Variants in SYT16 observed in about 807,000 individuals in gnomAD.
SYT16 encodes synaptotagmin-16.
A neutral mutation model predicts 61.4 loss-of-function variants in SYT16; 42 were observed. The ratio of observed to expected loss-of-function variants is 0.68; its 90% CI spans 0.53 to 0.89. SYT16 has a LOEUF of 0.89. SYT16 is among the 40% of genes least tolerant of loss of function. SYT16 has a pLI of 0.00. For synonymous variants in SYT16, 314 were observed against 302.3 expected, an observed-to-expected ratio of 1.04 and a Z score of -0.40; for missense variants, 804 against 807.3, an observed-to-expected ratio of 1.00 and a Z score of 0.05.
chr14:61,969,296 T>C, intron 1 of SYT16, among the ~76,000 whole-genome samples: 1 of 152,202 alleles, frequency 6.6e-6, no homozygotes, highest in East Asian at 1.9e-4. Flanking sequence ...CTTTACTGAA[T>C]GTTACTTTGG....
chr14:61,823,291 T>A (rs2045671016), intron 1 of SYT16, among the ~76,000 whole-genome samples: 1 of 152,100 alleles, frequency 6.6e-6, no homozygotes, highest in African/African-American at 2.4e-5. Context: ...GCGCCTGGCC[T>A]ATTTTTTTAT....
chr14:61,827,510 C>T (rs2045809092), intron 1 of SYT16, among the ~76,000 whole-genome samples: 1 of 152,120 alleles, frequency 6.6e-6, no homozygotes, highest in Non-Finnish European at 1.5e-5. Flanking sequence ...ATCTGAGGTG[C>T]AGCAATAGAG....
chr14:61,831,980 C>T (rs2045951944), intron 1 of SYT16: 4 of 602,038 alleles, frequency 6.6e-6, no homozygotes, highest in African/African-American at 1.8e-5. Context: ...CAAAGGTGTG[C>T]GGGATGGGGC....
At chr14:61,914,092 A>G (rs1196000958) in intron 1 of SYT16, among the ~76,000 whole-genome samples, 1 of 152,144 alleles carries the variant, frequency 6.6e-6, no homozygotes, top group Non-Finnish European at 1.5e-5. Context: ...AAGGCTATTG[A>G]CATCTTTGAA....
chr14:61,870,935 C>G (rs2047312544), intron 1 of SYT16, among the ~76,000 whole-genome samples: 1 of 152,116 alleles, frequency 6.6e-6, no homozygotes. Context: ...CCTCCCACTC[C>G]CACTCCCCAT....
At chr14:62,066,979 G>A (rs1224483473) in intron 3 of SYT16, among the ~76,000 whole-genome samples, 1 of 152,174 alleles carries the variant, frequency 6.6e-6, no homozygotes, top group Non-Finnish European at 1.5e-5. Context: ...GCTGTAAGAG[G>A]TCAGGGAAGG....
chr14:62,104,880 G>C lies in SYT16; in HGVS notation c.*4173G>C, dbSNP rs1217594489. 3 of 152,202 alleles carry C rather than the reference G, an allele frequency of 2.0e-5. No individual in the cohort carries two copies. The highest frequency in any genetic ancestry group is 7.2e-5 in the African/African-American group (3 of 41,460). 9.4% of individuals were successfully genotyped at this position (152,202 alleles called of 1,614,324 possible). On this transcript the variant is annotated 3_prime_UTR_variant, in exon 8 of 8. Transcript: ENST00000683842. ...TGAAATCACAGATGTAATGTGCCTA[G>C]CATAGAGCCGGGCATGTAGTTAGCA...
intron 1 of SYT16, among the ~76,000 whole-genome samples, chr14:61,918,209 C>A (rs1479813839): frequency 6.6e-6 from 1 of 152,258 alleles, no homozygotes; most frequent in Admixed American, 6.5e-5. Context: ...CAATGAAGGT[C>A]AAGTTTGTTG....
chr14:62,040,990 C>T (rs2054707171), intron 3 of SYT16, among the ~76,000 whole-genome samples: 1 of 152,048 alleles, frequency 6.6e-6, no homozygotes, highest in African/African-American at 2.4e-5. Context: ...TCAATGGGTC[C>T]CACAATAGGC....
In SYT16 at chr14:62,107,820, G is replaced by C. The variant is rs2057539766; in HGVS notation, c.*7113G>C. On this transcript the variant is annotated 3_prime_UTR_variant, in exon 8 of 8. Coordinates refer to ENST00000683842, the MANE Select transcript of SYT16 (RefSeq NM_001367656.1). ...CATCATTCCATTCCAGCAGTGAAAAGAATTATAGCATCAAATAGGATATTT... is the reference window on the plus strand; with the variant it reads ...CATCATTCCATTCCAGCAGTGAAAACAATTATAGCATCAAATAGGATATTT... 1 of 152,122 alleles carries C rather than the reference G, an allele frequency of 6.6e-6. No individual in the cohort carries two copies. Among genetic ancestry groups the C allele is most frequent in the Non-Finnish European group, 1.5e-5 (1 of 68,026 alleles). 9.4% of individuals were successfully genotyped at this position (152,122 alleles called of 1,614,324 possible). A position where few individuals can be genotyped will look rare whatever the true frequency, so the allele number is the denominator to read the frequency against.
chr14:62,070,044 T>C (rs2056239827), intron 4 of SYT16, among the ~76,000 whole-genome samples: 1 of 152,150 alleles, frequency 6.6e-6, no homozygotes, highest in East Asian at 1.9e-4. Flanking sequence ...CAATACTAGG[T>C]TGTGGGACCC....
chr14:61,847,059 T>G (rs1332181381), intron 1 of SYT16, among the ~76,000 whole-genome samples: 1 of 152,146 alleles, frequency 6.6e-6, no homozygotes, highest in East Asian at 1.9e-4. Context: ...CAGTTCATCA[T>G]TTAATCTTTC....
intron 2 of SYT16, among the ~76,000 whole-genome samples, chr14:61,993,745 A>G (rs1483869220): frequency 6.6e-6 from 1 of 152,208 alleles, no homozygotes; most frequent in Non-Finnish European, 1.5e-5. Context: ...CTTATGTGAT[A>G]ACATTGTTTA....
intron 1 of SYT16, among the ~76,000 whole-genome samples, chr14:61,886,910 T>TACTTTTTA (rs2047929761): frequency 6.8e-6 from 1 of 146,818 alleles, no homozygotes; most frequent in East Asian, 2.0e-4. Flanking sequence ...TTTTTTTTTT[T>TACTTTTTA]TCCTTTTTAT....
chr14:61,862,898 T>C (rs1566634651), intron 1 of SYT16, among the ~76,000 whole-genome samples: 2 of 152,234 alleles, frequency 1.3e-5, no homozygotes, highest in Non-Finnish European at 2.9e-5. Flanking sequence ...TTGACTTCTT[T>C]CACTTTGTAA....
At chr14:61,925,456 GC>G (rs2049499246) in intron 1 of SYT16, among the ~76,000 whole-genome samples, 1 of 152,144 alleles carries the variant, frequency 6.6e-6, no homozygotes, top group South Asian at 2.1e-4. Context: ...ATTAGCATTT[GC>G]TTTTAAGTAG....
At chr14:61,852,693 A>G (rs1016033968) in intron 1 of SYT16, among the ~76,000 whole-genome samples, 7 of 152,080 alleles carry the variant, frequency 4.6e-5, no homozygotes, top group African/African-American at 1.4e-4. Context: ...GTGAGTGGCA[A>G]TTCATTCATG....
At chr14:61,848,827 G>A (rs2046523396) in intron 1 of SYT16, among the ~76,000 whole-genome samples, 1 of 152,144 alleles carries the variant, frequency 6.6e-6, no homozygotes, top group African/African-American at 2.4e-5. Flanking sequence ...TGGTATCTAA[G>A]CTGCAAGACA....
In SYT16 at chr14:62,107,145, C is replaced by T. The variant is rs894031658; in HGVS notation, c.*6438C>T. 7 of 151,490 alleles carry T rather than the reference C, an allele frequency of 4.6e-5. No homozygotes were observed. The highest frequency in any genetic ancestry group is 1.2e-4 in the African/African-American group (5 of 41,172). 9.4% of individuals were successfully genotyped at this position (151,490 alleles called of 1,614,324 possible). On this transcript the variant is annotated 3_prime_UTR_variant, in exon 8 of 8. Transcript: ENST00000683842. Reference sequence around the variant, plus strand: ...ACAAAATTTATTCATTCAAAAAGATCTTTATAGGTTGGGCATGGTGGCTCA... The same window carrying T: ...ACAAAATTTATTCATTCAAAAAGATTTTTATAGGTTGGGCATGGTGGCTCA...
Sources: gnomAD v4.1 joint callset for allele counts (sites outside exome capture counted in the v4.1 genomes callset) on GRCh38, gnomAD v4.1.1 for gene constraint, MANE v1.5 for transcripts, NCBI Gene and HGNC (gene_info 2026-07-23, HGNC 2026-07-21) for gene names.